Variants in CSMD3 observed in about 807,000 individuals in gnomAD.
CSMD3 encodes the protein CUB and Sushi multiple domains 3, also known as CUB and sushi domain-containing protein 3.
Under a neutral mutation model 435.2 loss-of-function variants are expected in CSMD3, and 177 were observed. The ratio of observed to expected loss-of-function variants is 0.41; its 90% CI spans 0.36 to 0.46. The LOEUF is 0.46. Ranked by LOEUF, CSMD3 falls within the 20% of genes least tolerant of loss-of-function variation. The pLI is 0.34. For synonymous variants in CSMD3, 1,656 were observed against 1,520.5 expected (o/e 1.09, Z -2.07); for missense variants, 4,265 against 4,504.6 (o/e 0.95, Z 1.52).
chr8:113,393,767 A>G (rs920943796), intron 1 of CSMD3, among the ~76,000 whole-genome samples: 63 of 152,172 alleles, frequency 4.1e-4, no homozygotes, highest in African/African-American at 1.4e-3. Context: ...ATTGGAAGGA[A>G]CTCATGGTTG....
intron 50 of CSMD3, among the ~76,000 whole-genome samples, chr8:112,309,501 G>T (rs1471646025): frequency 6.6e-6 from 1 of 151,802 alleles, no homozygotes. Flanking sequence ...TGACATCAAA[G>T]ATTCTTTCCC....
intron 30 of CSMD3, among the ~76,000 whole-genome samples, chr8:112,498,785 A>G (rs536358734): frequency 6.6e-6 from 1 of 151,978 alleles, no homozygotes; most frequent in Non-Finnish European, 1.5e-5. Context: ...GCTTGCAGGT[A>G]TAAGTAGCTA....
chr8:112,868,361 G>A (rs1485122249), intron 10 of CSMD3, among the ~76,000 whole-genome samples: 1 of 152,132 alleles, frequency 6.6e-6, no homozygotes, highest in Non-Finnish European at 1.5e-5. Context: ...GTATGGTGTA[G>A]TAAATACTTA....
intron 10 of CSMD3, among the ~76,000 whole-genome samples, chr8:112,920,340 A>G (rs1254066261): frequency 6.6e-6 from 1 of 151,928 alleles, no homozygotes; most frequent in Non-Finnish European, 1.5e-5. Flanking sequence ...GAAAAAGGTA[A>G]GCAAGTGGAA....
intron 3 of CSMD3, among the ~76,000 whole-genome samples, chr8:113,232,760 G>A (rs1047745985): frequency 3.3e-5 from 5 of 151,530 alleles, no homozygotes; most frequent in African/African-American, 1.2e-4. Flanking sequence ...CCATTTATTG[G>A]TCCATTGGCT....
At chr8:112,710,817 C>T (rs16883980) in intron 13 of CSMD3, among the ~76,000 whole-genome samples, 2,603 of 150,672 alleles carry the variant, frequency 0.017, 76 homozygotes, top group African/African-American at 0.06. Flanking sequence ...TCCCATAAGA[C>T]TTTTGTTGAG....
At chr8:113,191,893 C>T (rs2092591081) in intron 3 of CSMD3, among the ~76,000 whole-genome samples, 1 of 151,806 alleles carries the variant, frequency 6.6e-6, no homozygotes, top group South Asian at 2.1e-4. Context: ...CCTTTTTCTC[C>T]ACAGCCTTGC....
intron 59 of CSMD3, among the ~76,000 whole-genome samples, chr8:112,272,871 G>T (rs1475945861): frequency 6.6e-6 from 1 of 152,056 alleles, no homozygotes; most frequent in African/African-American, 2.4e-5. Context: ...CTTTTTGGGG[G>T]TTTTTATTTA....
chr8:113,151,404 C>CA (rs2091802489), intron 4 of CSMD3, among the ~76,000 whole-genome samples: 1 of 151,428 alleles, frequency 6.6e-6, no homozygotes, highest in South Asian at 2.1e-4. Flanking sequence ...CATTTTAAGA[C>CA]AAAACACCAG....
At chr8:112,532,312 A>T (rs1006768787) in intron 27 of CSMD3, among the ~76,000 whole-genome samples, 17 of 152,138 alleles carry the variant, frequency 1.1e-4, no homozygotes, top group African/African-American at 4.1e-4. Flanking sequence ...AGAAATGATA[A>T]CAGAGAACAT....
At chr8:112,529,151 C>T (rs1408039651) in intron 27 of CSMD3, among the ~76,000 whole-genome samples, 1 of 152,068 alleles carries the variant, frequency 6.6e-6, no homozygotes, top group Admixed American at 6.6e-5. Flanking sequence ...CATCCAATGC[C>T]CCAACTTTGC....
chr8:112,227,146 C>T (rs1369538015), intron 70 of CSMD3, among the ~76,000 whole-genome samples: 3 of 152,108 alleles, frequency 2.0e-5, no homozygotes, highest in Admixed American at 6.5e-5. Flanking sequence ...GCACTATTCA[C>T]AGTAGTTAAA....
At position 112,555,637 on chromosome 8, in the gene CSMD3, T is replaced by G. The variant is rs371574985; in HGVS notation, c.4234+1126A>C. ...AGATAAAACCATGTTGTTTTCTGCA[T>G]GAATCAATGTTTTAATAAACCAACA... On this transcript the variant is annotated intron_variant, in intron 25 of 70. Coordinates refer to ENST00000297405, the MANE Select transcript of CSMD3 (RefSeq NM_198123.2). Among the ~76,000 whole-genome samples, 6 of 152,124 alleles carry G rather than the reference T, an allele frequency of 3.9e-5. No homozygotes were observed. In the East Asian group the frequency reaches 9.7e-4, roughly 25 times the overall value.
chr8:112,434,914 G>A (rs989307944), intron 32 of CSMD3, among the ~76,000 whole-genome samples: 6 of 152,058 alleles, frequency 3.9e-5, no homozygotes, highest in Non-Finnish European at 7.4e-5. Context: ...TTGACCTAAT[G>A]TTTTTAAACG....
intron 1 of CSMD3, among the ~76,000 whole-genome samples, chr8:113,395,099 AATC>A (rs2094477248): frequency 6.6e-6 from 1 of 152,142 alleles, no homozygotes. Flanking sequence ...TTTTTCCAGA[AATC>A]ATTATGGCTT....
chr8:112,723,664 C>A (rs943259206), intron 13 of CSMD3, among the ~76,000 whole-genome samples: 1 of 152,088 alleles, frequency 6.6e-6, no homozygotes, highest in African/African-American at 2.4e-5. Flanking sequence ...GGATTCAAAG[C>A]AGAAGCTTTG....
At chr8:112,906,008 T>G (rs1053411775) in intron 10 of CSMD3, among the ~76,000 whole-genome samples, 1 of 151,440 alleles carries the variant, frequency 6.6e-6, no homozygotes, top group Admixed American at 6.6e-5. Context: ...TAGCTCTTCC[T>G]CTTTTTACTA....
At chr8:113,074,480 G>A (rs891151255) in intron 5 of CSMD3, among the ~76,000 whole-genome samples, 2 of 151,804 alleles carry the variant, frequency 1.3e-5, no homozygotes, top group Admixed American at 1.3e-4. Context: ...TTTTTAAATA[G>A]TATGTCATTT....
At chr8:112,555,684 C>CACTACG (rs1417449694) in intron 25 of CSMD3, among the ~76,000 whole-genome samples, 2 of 151,882 alleles carry the variant, frequency 1.3e-5, no homozygotes, top group Non-Finnish European at 2.9e-5. Flanking sequence ...GCATCAAAAC[C>CACTACG]ACTACGCAAT....
Sources: allele counts gnomAD v4.1 joint callset (sites outside exome capture counted in the v4.1 genomes callset), GRCh38; gene constraint gnomAD v4.1.1; transcripts MANE v1.5; gene names NCBI Gene and HGNC (gene_info 2026-07-23, HGNC 2026-07-21).